Variants in ST3GAL1 observed in about 807,000 individuals in gnomAD.
ST3GAL1 encodes CMP-N-acetylneuraminate-beta-galactosamide-alpha-2,3-sialyltransferase 1.
ST3GAL1 carries 16 observed loss-of-function variants against 34.1 expected under a neutral mutation model. The observed-to-expected ratio is 0.47, with a 90% CI of 0.32 to 0.71. The LOEUF (loss-of-function observed/expected upper bound fraction) is 0.71. ST3GAL1 is among the 30% of genes least tolerant of loss of function. The pLI, the probability that ST3GAL1 is intolerant of heterozygous loss-of-function variation, is 0.04. For missense variants in ST3GAL1, 353 were observed against 447.4 expected, an observed-to-expected ratio of 0.79 and a Z score of 1.90; for synonymous variants, 191 against 184.7, an observed-to-expected ratio of 1.03 and a Z score of -0.28.
At chr8:133,485,051 C>T (rs1358119818) in intron 3 of ST3GAL1, among the ~76,000 whole-genome samples, 1 of 152,228 alleles carries the variant, frequency 6.6e-6, no homozygotes. Context: ...TTGCATCAAT[C>T]CTGCCTGCAT....
chr8:133,463,494 C>T (rs770447454), intron 7 of ST3GAL1, 35 bp from the exon 8 acceptor site: 193 of 1,612,122 alleles, frequency 1.2e-4, no homozygotes, highest in Non-Finnish European at 1.6e-4. Flanking sequence ...GTTAATGGGG[C>T]AGGGGACAGG....
intron 2 of ST3GAL1, among the ~76,000 whole-genome samples, chr8:133,518,575 C>G (rs1817710903): frequency 6.6e-6 from 1 of 152,208 alleles, no homozygotes; most frequent in African/African-American, 2.4e-5. Flanking sequence ...TCAAGGACTT[C>G]AGGTTTGCCC....
chr8:133,545,285 C>T (rs1205217500), intron 2 of ST3GAL1, among the ~76,000 whole-genome samples: 3 of 152,256 alleles, frequency 2.0e-5, no homozygotes, highest in African/African-American at 7.2e-5. Context: ...TGGGCTGCTG[C>T]AGTGTGAAAA....
At chr8:133,474,890 T>C (rs1413985416) in intron 5 of ST3GAL1, among the ~76,000 whole-genome samples, 1 of 152,212 alleles carries the variant, frequency 6.6e-6, no homozygotes, top group African/African-American at 2.4e-5. Flanking sequence ...GTTTATTTCT[T>C]ATCTTCCCCT....
At chr8:133,527,532 G>A (rs150133206) in intron 2 of ST3GAL1, among the ~76,000 whole-genome samples, 8 of 152,264 alleles carry the variant, frequency 5.3e-5, no homozygotes, top group East Asian at 1.9e-4. Context: ...ACAGTGTGAC[G>A]TCAGGCAAGC....
chr8:133,514,379 A>C (rs760205831), intron 2 of ST3GAL1, among the ~76,000 whole-genome samples: 2 of 151,940 alleles, frequency 1.3e-5, no homozygotes, highest in Non-Finnish European at 2.9e-5. Flanking sequence ...TGTCACAGCT[A>C]TTTGCTCCCC....
intron 2 of ST3GAL1, among the ~76,000 whole-genome samples, chr8:133,513,341 A>G (rs1204335822): frequency 6.6e-6 from 1 of 152,022 alleles, no homozygotes; most frequent in African/African-American, 2.4e-5. Context: ...TTCTGTGAGC[A>G]CTCATCACTG....
At chr8:133,464,712 G>T in intron 7 of ST3GAL1, 66 bp downstream of exon 7, 2 of 1,536,308 alleles carry the variant, frequency 1.3e-6, no homozygotes, top group South Asian at 2.5e-5. Context: ...GACCACGGCA[G>T]GGTGGGGGGA....
intron 2 of ST3GAL1, among the ~76,000 whole-genome samples, chr8:133,506,439 A>C (rs561750350): frequency 2.0e-5 from 3 of 152,338 alleles, no homozygotes; most frequent in African/African-American, 7.2e-5. Context: ...TTTGTATTAC[A>C]GTGGGAGATG....
chr8:133,495,602 C>T (rs1056165622), intron 3 of ST3GAL1, among the ~76,000 whole-genome samples: 1 of 152,222 alleles, frequency 6.6e-6, no homozygotes, highest in African/African-American at 2.4e-5. Flanking sequence ...AAGGCTCTGA[C>T]TGCTCTGTAC....
chr8:133,564,944 CATA>C (rs1307615082), intron 1 of ST3GAL1, among the ~76,000 whole-genome samples: 1 of 152,220 alleles, frequency 6.6e-6, no homozygotes, highest in Admixed American at 6.5e-5. Context: ...TGAAGGTCTT[CATA>C]ATGTCTTACA....
At chr8:133,509,765 T>C (rs1050158074) in intron 2 of ST3GAL1, among the ~76,000 whole-genome samples, 2 of 152,012 alleles carry the variant, frequency 1.3e-5, no homozygotes, top group Admixed American at 6.6e-5. Flanking sequence ...CAGCAAAAAT[T>C]AGTGAAGGAG....
At chr8:133,539,985 G>A (rs1818419005) in intron 2 of ST3GAL1, among the ~76,000 whole-genome samples, 1 of 152,202 alleles carries the variant, frequency 6.6e-6, no homozygotes, top group Admixed American at 6.5e-5. Context: ...TACCTCCAGT[G>A]CTCAGCCAAG....
intron 5 of ST3GAL1, among the ~76,000 whole-genome samples, chr8:133,474,357 C>G (rs879499958): frequency 6.6e-6 from 1 of 152,214 alleles, no homozygotes; most frequent in Non-Finnish European, 1.5e-5. Flanking sequence ...AAGACTCTAT[C>G]TTTTCCATCT....
chr8:133,475,581 AC>A (rs1049622260), intron 5 of ST3GAL1, 137 bp downstream of exon 5: 8 of 1,020,870 alleles, frequency 7.8e-6, no homozygotes, highest in African/African-American at 3.3e-5. Context: ...TCATTACCAG[AC>A]CCCTACCCTC....
chr8:133,556,595 C>T lies in ST3GAL1; in HGVS notation c.-581-10669G>A, dbSNP rs542489448. On this transcript the variant is annotated intron_variant, in intron 1 of 9. Transcript: ENST00000522652. The surrounding 1 kb of genome is among the most constrained non-coding windows in gnomAD (Gnocchi z 8.9). ...TGAAGGCTGCATAACTATGTACTTT[C>T]GAACAAGATTTTTAGGATGAAGAAA... Among the ~76,000 whole-genome samples the T allele has an allele frequency of 1.1e-4, 17 of 151,936 alleles. No individual in the cohort carries two copies. Among genetic ancestry groups the T allele is most frequent in the African/African-American group, 2.7e-4 (11 of 41,372 alleles).
chr8:133,518,432 A>G (rs1381757723), intron 2 of ST3GAL1, among the ~76,000 whole-genome samples: 2 of 152,236 alleles, frequency 1.3e-5, no homozygotes, highest in African/African-American at 2.4e-5. Flanking sequence ...AGATCCTGCA[A>G]GGAGAACTTT....
chr8:133,469,775 G>A lies in ST3GAL1; in HGVS notation c.307-3685C>T, dbSNP rs2130931525. Reference sequence around the variant, plus strand: ...GCCCCAGCACTGCAGAGACAGGTGGGAAGGAGGGACGGCAGAAATGACCTC... The same window carrying A: ...GCCCCAGCACTGCAGAGACAGGTGGAAAGGAGGGACGGCAGAAATGACCTC... On this transcript the variant is annotated intron_variant, in intron 5 of 9. Coordinates refer to ENST00000522652, the MANE Select transcript of ST3GAL1 (RefSeq NM_173344.3). This position sits in a 1 kb window ranked among gnomAD's most constrained non-coding sequence, Gnocchi z 4.3. Among the ~76,000 whole-genome samples, 1 of 152,352 alleles carries A rather than the reference G, an allele frequency of 6.6e-6. No homozygotes were observed. The highest frequency in any genetic ancestry group is 1.9e-4 in the East Asian group (1 of 5,186).
At chr8:133,550,478 C>T (rs1332409077) in intron 1 of ST3GAL1, among the ~76,000 whole-genome samples, 1 of 152,222 alleles carries the variant, frequency 6.6e-6, no homozygotes, top group Non-Finnish European at 1.5e-5. Context: ...CATGACACAG[C>T]TGGAGAGCTG....
Sources: allele counts gnomAD v4.1 joint callset (sites outside exome capture counted in the v4.1 genomes callset), GRCh38; gene constraint gnomAD v4.1.1; non-coding constraint Gnocchi (gnomAD v3.1); transcripts MANE v1.5; gene names NCBI Gene and HGNC (gene_info 2026-07-23, HGNC 2026-07-21).